TMEM132D: variants seen among roughly 807,000 people sequenced by gnomAD.
TMEM132D encodes transmembrane protein 132D.
In TMEM132D, 21 loss-of-function variants were observed where a neutral mutation model predicts 62.3. The ratio of observed to expected loss-of-function variants is 0.34; its 90% CI spans 0.24 to 0.49. The LOEUF (loss-of-function observed/expected upper bound fraction) is 0.49. Among genes scored for constraint, TMEM132D ranks in the 20% least tolerant of loss-of-function variants. The pLI, the probability that TMEM132D is intolerant of heterozygous loss-of-function variation, is 0.99. For synonymous variants in TMEM132D, 621 were observed against 575.6 expected (o/e 1.08, Z -1.13); for missense variants, 1,346 against 1,402.8 (o/e 0.96, Z 0.65).
chr12:129,472,407 G>C (rs928493046), intron 3 of TMEM132D, among the ~76,000 whole-genome samples: 3 of 152,120 alleles, frequency 2.0e-5, no homozygotes, highest in African/African-American at 7.2e-5. Context: ...ACACAGAGGG[G>C]AACATCACAT....
chr12:129,151,385 G>A (rs1201015587), intron 5 of TMEM132D, among the ~76,000 whole-genome samples: 1 of 152,212 alleles, frequency 6.6e-6, no homozygotes, highest in Non-Finnish European at 1.5e-5. Flanking sequence ...TAGATACCCA[G>A]TGAGCATGAT....
chr12:129,606,174 C>G (rs1878620361), intron 2 of TMEM132D, among the ~76,000 whole-genome samples: 1 of 152,170 alleles, frequency 6.6e-6, no homozygotes, highest in South Asian at 2.1e-4. Flanking sequence ...AACAGTACCT[C>G]GATTCTAGAT....
intron 5 of TMEM132D, among the ~76,000 whole-genome samples, chr12:129,107,118 A>T (rs1462081609): frequency 6.6e-6 from 1 of 152,224 alleles, no homozygotes; most frequent in Admixed American, 6.5e-5. Context: ...ATGAATGGAT[A>T]AAAGTGAGAA....
intron 1 of TMEM132D, among the ~76,000 whole-genome samples, chr12:129,822,442 C>A (rs553896185): frequency 3.2e-4 from 49 of 152,268 alleles, no homozygotes; most frequent in South Asian, 1.0e-3. Flanking sequence ...GGTCCCTCCC[C>A]AGGGAGTCAC....
chr12:129,219,184 C>T (rs181088690), intron 4 of TMEM132D, among the ~76,000 whole-genome samples: 4 of 152,042 alleles, frequency 2.6e-5, no homozygotes, highest in Non-Finnish European at 5.9e-5. Context: ...ATGGGAGGGA[C>T]CTGGTAGGAG....
intron 5 of TMEM132D, among the ~76,000 whole-genome samples, chr12:129,119,188 A>T (rs1321093840): frequency 6.6e-6 from 1 of 152,224 alleles, no homozygotes; most frequent in Non-Finnish European, 1.5e-5. Context: ...GACTTTTTAA[A>T]ATCTTTTTAT....
intron 1 of TMEM132D, among the ~76,000 whole-genome samples, chr12:129,800,425 G>A (rs1024838900): frequency 5.3e-5 from 8 of 151,928 alleles, no homozygotes; most frequent in Non-Finnish European, 8.8e-5. Flanking sequence ...GATACGCCAG[G>A]CCCTGGGCTA....
chr12:129,775,488 G>C (rs112915420), intron 1 of TMEM132D, among the ~76,000 whole-genome samples: 2 of 152,186 alleles, frequency 1.3e-5, no homozygotes, highest in African/African-American at 2.4e-5. Context: ...CACTGGTTGA[G>C]TGTCGCTGCA....
intron 2 of TMEM132D, among the ~76,000 whole-genome samples, chr12:129,544,460 C>G (rs1235076087): frequency 6.6e-6 from 1 of 152,180 alleles, no homozygotes; most frequent in Non-Finnish European, 1.5e-5. Context: ...GTAAAATATA[C>G]TAAGTTTATT....
At chr12:129,733,325 T>C (rs1433229811) in intron 1 of TMEM132D, among the ~76,000 whole-genome samples, 2 of 152,144 alleles carry the variant, frequency 1.3e-5, no homozygotes, top group East Asian at 3.9e-4. Context: ...GTAGTTAGTG[T>C]CAGAAGTAAA....
chr12:129,894,305 C>T (rs777432008), intron 1 of TMEM132D, among the ~76,000 whole-genome samples: 8 of 152,084 alleles, frequency 5.3e-5, no homozygotes, highest in Admixed American at 1.3e-4. Flanking sequence ...TGGGGGACAC[C>T]GCCCCCCATG....
At chr12:129,692,137 A>C (rs1365179168) in intron 2 of TMEM132D, among the ~76,000 whole-genome samples, 1 of 152,110 alleles carries the variant, frequency 6.6e-6, no homozygotes, top group African/African-American at 2.4e-5. Context: ...GAAAAAACAA[A>C]AGTGCAAACT....
At chr12:129,689,512 T>C (rs1156549579) in intron 2 of TMEM132D, among the ~76,000 whole-genome samples, 2 of 152,308 alleles carry the variant, frequency 1.3e-5, no homozygotes, top group East Asian at 3.9e-4. Flanking sequence ...GCCTGCAGCA[T>C]GACTCTTTGT....
chr12:129,211,037 C>G (rs1359909937), intron 4 of TMEM132D: 1 of 152,122 alleles, frequency 6.6e-6, no homozygotes, highest in East Asian at 1.9e-4. Flanking sequence ...GAAAACTGAG[C>G]CTCAAGACCC....
At chr12:129,487,726 ATCTCCTGAG>A (rs1308455215) in intron 3 of TMEM132D, among the ~76,000 whole-genome samples, 1 of 151,496 alleles carries the variant, frequency 6.6e-6, no homozygotes, top group African/African-American at 2.4e-5. Context: ...AGGTCAGGAG[ATCTCCTGAG>A]ACCATCCTGG....
Position 129,081,742 on chromosome 12 carries a change from T to TC in TMEM132D, c.1923+16_1923+17insG. On this transcript the variant is annotated intron_variant, in intron 7 of 8. Coordinates refer to ENST00000422113, the MANE Select transcript of TMEM132D (RefSeq NM_133448.3). ...ACAGAGAGATCTTGATTTGGGGATT[T>TC]TTTTTTTTTTTTTTACCTGAATGGT... The TC allele has an allele frequency of 1.2e-6, 1 of 833,112 alleles. No individual in the cohort carries two copies. The highest frequency in any genetic ancestry group is 1.6e-6 in the Non-Finnish European group (1 of 616,480). 51.6% of individuals were successfully genotyped at this position (833,112 alleles called of 1,614,324 possible).
intron 1 of TMEM132D, among the ~76,000 whole-genome samples, chr12:129,709,253 A>G (rs1435513983): frequency 6.6e-6 from 1 of 152,180 alleles, no homozygotes; most frequent in African/African-American, 2.4e-5. Context: ...TCTCTGCCCC[A>G]TTCATTGTAT....
At chr12:129,631,684 G>C (rs1234645187) in intron 2 of TMEM132D, among the ~76,000 whole-genome samples, 2 of 152,192 alleles carry the variant, frequency 1.3e-5, no homozygotes, top group African/African-American at 4.8e-5. Context: ...GGATCACCTA[G>C]AGACAAAGTG....
chr12:129,891,509 T>C (rs1421293302), intron 1 of TMEM132D, among the ~76,000 whole-genome samples: 1 of 152,208 alleles, frequency 6.6e-6, no homozygotes, highest in Non-Finnish European at 1.5e-5. Context: ...GAGCATCAGG[T>C]TCAGCGGACT....
Sources: gnomAD v4.1 joint callset for allele counts (sites outside exome capture counted in the v4.1 genomes callset) on GRCh38, gnomAD v4.1.1 for gene constraint, MANE v1.5 for transcripts, NCBI Gene and HGNC (gene_info 2026-07-23, HGNC 2026-07-21) for gene names.